The following KLF8 variants were observed in gnomAD, a reference collection of about 807,000 sequenced individuals.
KLF8 encodes the protein Krueppel-like factor 8.
KLF8 carries 10 observed loss-of-function variants against 18.2 expected under a neutral mutation model. The ratio of observed to expected loss-of-function variants is 0.55; its 90% CI spans 0.34 to 0.93. The LOEUF is 0.93. Among genes scored for constraint, KLF8 ranks in the 40% least tolerant of loss-of-function variants. The pLI, the probability that KLF8 is intolerant of heterozygous loss-of-function variation, is 0.02. For missense variants in KLF8, 264 were observed against 277.9 expected (o/e 0.95, Z 0.36); for synonymous variants, 109 against 97.3 (o/e 1.12, Z -0.71).
At chrX:55,974,447 T>C in the KLF8 span, among the ~76,000 whole-genome samples, 4 of 111,879 alleles carry the variant, frequency 3.6e-5, no homozygotes, top group Non-Finnish European at 5.6e-5. Flanking sequence ...GATCCAATAA[T>C]AAACAATAAT....
the KLF8 span, among the ~76,000 whole-genome samples, chrX:55,944,341 C>G: frequency 9.1e-6 from 1 of 110,366 alleles, no homozygotes; most frequent in Non-Finnish European, 1.9e-5. Flanking sequence ...TGATGCTGGC[C>G]TCATAAAATG....
chrX:56,137,524 A>T, the KLF8 span, among the ~76,000 whole-genome samples: 3 of 104,194 alleles, frequency 2.9e-5, no homozygotes, highest in African/African-American at 1.1e-4. Flanking sequence ...CAAACAATGC[A>T]TATTCTCACT....
At chrX:56,046,129 T>A in the KLF8 span, among the ~76,000 whole-genome samples, 1 of 112,051 alleles carries the variant, frequency 8.9e-6, no homozygotes, top group African/African-American at 3.2e-5. Context: ...TTTACTTCTG[T>A]TTATGTGGTG....
At chrX:56,093,914 TGTGTGTGTGTGTGTGTGTGTGTGTGTG>T in the KLF8 span, among the ~76,000 whole-genome samples, 1 of 97,631 alleles carries the variant, frequency 1.0e-5, no homozygotes, top group African/African-American at 4.5e-5. Context: ...TATGTGTGTG[TGTGTGTGTGTGTGTGTGTGTGTGTGTG>T]TGTGTGTGTA....
chrX:56,278,687 G>A (rs995237432), intron 5 of KLF8, among the ~76,000 whole-genome samples: 3 of 111,073 alleles, frequency 2.7e-5, no homozygotes, highest in Non-Finnish European at 5.7e-5. Context: ...TATGCTCCCC[G>A]CAAGTCCACT....
the KLF8 span, among the ~76,000 whole-genome samples, chrX:56,053,065 A>T: frequency 2.7e-5 from 3 of 111,660 alleles, no homozygotes; most frequent in Non-Finnish European, 5.7e-5. Flanking sequence ...TTTGACTCAG[A>T]AAGGGAACTC....
chrX:56,104,471 C>A, the KLF8 span, among the ~76,000 whole-genome samples: 1 of 111,578 alleles, frequency 9.0e-6, no homozygotes, highest in African/African-American at 3.3e-5. Context: ...GGAATTAATC[C>A]ATTTCTACTA....
the KLF8 span, among the ~76,000 whole-genome samples, chrX:56,196,692 A>G: frequency 2.7e-5 from 3 of 111,682 alleles, no homozygotes; most frequent in African/African-American, 9.8e-5. Context: ...GATCAACAAG[A>G]CAGAAGATTA....
the KLF8 span, among the ~76,000 whole-genome samples, chrX:56,056,164 G>T: frequency 3.8e-3 from 426 of 111,592 alleles, no homozygotes; most frequent in African/African-American, 0.013. Flanking sequence ...CAGGGTTCTT[G>T]TGTTGGTTTT....
the KLF8 span, among the ~76,000 whole-genome samples, chrX:56,160,269 TC>T: frequency 8.9e-6 from 1 of 111,989 alleles, no homozygotes; most frequent in Admixed American, 9.6e-5. Context: ...TGTTATAATT[TC>T]TGTTCTTTTA....
upstream of KLF8, among the ~76,000 whole-genome samples, chrX:56,230,781 A>G (rs1168561804): frequency 9.0e-6 from 1 of 111,326 alleles, no homozygotes; most frequent in Admixed American, 9.6e-5. Flanking sequence ...TCCAAGTTAC[A>G]GAAATGAGAT....
chrX:55,944,749 C>T, the KLF8 span, among the ~76,000 whole-genome samples: 1 of 111,203 alleles, frequency 9.0e-6, no homozygotes, highest in African/African-American at 3.3e-5. Flanking sequence ...TGCTAGTGGT[C>T]TATCAATTTT....
chrX:56,110,562 G>T, the KLF8 span, among the ~76,000 whole-genome samples: 1 of 111,057 alleles, frequency 9.0e-6, no homozygotes, highest in African/African-American at 3.3e-5. Context: ...TTTTTTGTTT[G>T]ATTTTTTCTA....
chrX:56,190,112 T>A, the KLF8 span, among the ~76,000 whole-genome samples: 18 of 111,028 alleles, frequency 1.6e-4, no homozygotes, highest in African/African-American at 5.2e-4. Flanking sequence ...AAGAAACATA[T>A]ACAATAAAAA....
the KLF8 span, among the ~76,000 whole-genome samples, chrX:56,169,793 C>T: frequency 4.5e-5 from 5 of 111,985 alleles, no homozygotes; most frequent in African/African-American, 1.3e-4. Flanking sequence ...GACACAAGCA[C>T]GGCTGGTTTT....
At chrX:56,055,423 GAGA>G in the KLF8 span, among the ~76,000 whole-genome samples, 1 of 111,861 alleles carries the variant, frequency 8.9e-6, no homozygotes, top group African/African-American at 3.2e-5. Flanking sequence ...GGTTTCTGCT[GAGA>G]AGTTCACTGT....
At chrX:56,098,533 C>A in the KLF8 span, among the ~76,000 whole-genome samples, 2 of 110,965 alleles carry the variant, frequency 1.8e-5, no homozygotes, top group African/African-American at 3.3e-5. Flanking sequence ...AATTAAGTAT[C>A]CTTTTATGAT....
chrX:56,068,215 C>T, the KLF8 span, among the ~76,000 whole-genome samples: 399 of 111,851 alleles, frequency 3.6e-3, 1 homozygote, highest in Middle Eastern at 4.6e-3. Flanking sequence ...GTGAACTCAG[C>T]TGGATGGTGC....
the KLF8 span, among the ~76,000 whole-genome samples, chrX:56,187,666 T>G: frequency 9.0e-6 from 1 of 110,647 alleles, no homozygotes. Flanking sequence ...ATCAAAAAAC[T>G]TATCCACCAT....
Sources: allele counts gnomAD v4.1 joint callset (sites outside exome capture counted in the v4.1 genomes callset), GRCh38; gene constraint gnomAD v4.1.1; transcripts MANE v1.5; gene names NCBI Gene and HGNC (gene_info 2026-07-23, HGNC 2026-07-21).